Variants in MIR2052HG observed in about 807,000 individuals in gnomAD.
MIR2052HG encodes the protein MIR2052 host gene.
rs61228134 is a variant in MIR2052HG, at chr8:74,673,887, G to GTATATATATATATATATATATATATA, written n.217-28468_217-28467insTATATATATATATATATATATATATA. On this transcript the variant is annotated intron_variant and non_coding_transcript_variant, in intron 2 of 6. Transcript: ENST00000523442. Reference sequence around the variant, plus strand: ...GTCACAATCAACACAGTATTTTTTTGTATATATATATATATATATATATAC... The same window carrying GTATATATATATATATATATATATATA: ...GTCACAATCAACACAGTATTTTTTTGTATATATATATATATATATATATATATATATATATATATATATATATATAC... 3.2e-4 allele frequency among the ~76,000 whole-genome samples: 39 copies of GTATATATATATATATATATATATATA among 121,642 alleles called. 1 individual carries two copies. Among genetic ancestry groups the GTATATATATATATATATATATATATA allele is most frequent in the African/African-American group, 1.4e-3 (36 of 25,488 alleles). The allele number at this position is 121,642 out of a possible 152,430, so 79.8% of individuals were successfully genotyped here. A position where few individuals can be genotyped will look rare whatever the true frequency, so the allele number is the denominator to read the frequency against.
chr8:74,737,038 G>A (rs1282485745), intron 4 of MIR2052HG, among the ~76,000 whole-genome samples: 2 of 152,198 alleles, frequency 1.3e-5, no homozygotes, highest in Non-Finnish European at 2.9e-5. Flanking sequence ...TACTCCCTTT[G>A]CAAATCCCCC....
intron 4 of MIR2052HG, among the ~76,000 whole-genome samples, chr8:74,748,334 A>G (rs1160537843): frequency 2.0e-5 from 3 of 152,212 alleles, no homozygotes; most frequent in South Asian, 2.1e-4. Flanking sequence ...GTCCAGGAGT[A>G]CCAGCTCTGT....
intron 2 of MIR2052HG, among the ~76,000 whole-genome samples, chr8:74,657,633 C>T (rs961750660): frequency 1.3e-5 from 2 of 152,186 alleles, no homozygotes; most frequent in Non-Finnish European, 2.9e-5. Flanking sequence ...GGAGGCCTCA[C>T]AATCATTGCG....
At chr8:74,734,031 A>G (rs894440587) in intron 4 of MIR2052HG, among the ~76,000 whole-genome samples, 1 of 152,234 alleles carries the variant, frequency 6.6e-6, no homozygotes, top group Non-Finnish European at 1.5e-5. Flanking sequence ...AGAAACTACC[A>G]TCAGAGTGAA....
At chr8:74,605,932 CTG>C (rs1204764519) in intron 1 of MIR2052HG, among the ~76,000 whole-genome samples, 1 of 152,166 alleles carries the variant, frequency 6.6e-6, no homozygotes, top group Non-Finnish European at 1.5e-5. Context: ...AATTAAGAGT[CTG>C]TTGATTTAGC....
At chr8:74,682,641 A>G (rs1809138213) in intron 2 of MIR2052HG, among the ~76,000 whole-genome samples, 1 of 152,174 alleles carries the variant, frequency 6.6e-6, no homozygotes, top group South Asian at 2.1e-4. Context: ...CCAAAAACGA[A>G]GAAACTGGAG....
At chr8:74,673,818 A>G (rs1005037005) in intron 2 of MIR2052HG, among the ~76,000 whole-genome samples, 5 of 150,020 alleles carry the variant, frequency 3.3e-5, no homozygotes, top group Non-Finnish European at 7.4e-5. Context: ...ATGGATAACC[A>G]TTAGCCTAAC....
rs573239209 is a variant in MIR2052HG, at chr8:74,623,043, A to G, written n.216+10103A>G. ...GTCAAAGAACACAAATTTCAGTAAG[A>G]CAGGAAGAATAAGTTCAAGAGATCT... On this transcript the variant is annotated intron_variant and non_coding_transcript_variant, in intron 2 of 6. Transcript: ENST00000523442. Among the ~76,000 whole-genome samples, 10 of 152,306 alleles carry G rather than the reference A, an allele frequency of 6.6e-5. No individual in the cohort carries two copies. In the South Asian group the frequency reaches 2.1e-3, roughly 32 times the overall value.
intron 2 of MIR2052HG, among the ~76,000 whole-genome samples, chr8:74,651,292 A>G (rs570671468): frequency 1.3e-5 from 2 of 152,094 alleles, no homozygotes; most frequent in African/African-American, 2.4e-5. Context: ...AAAAACCTCT[A>G]TTCTCTTTAA....
At chr8:74,609,570 A>G (rs1808161847) in intron 1 of MIR2052HG, 1 of 151,822 alleles carries the variant, frequency 6.6e-6, no homozygotes, top group Non-Finnish European at 1.5e-5. Flanking sequence ...ATCAAAGTTA[A>G]CAACATATAA....
In MIR2052HG at chr8:74,701,324, A is replaced by C. The variant is rs537471523; in HGVS notation, n.217-1055A>C. The stretch of plus-strand genomic sequence containing the variant: ...TATTATTGAATAGATGGATATTAGA[A>C]CATTTTTTAAAATGTAGTAAGCATT... On this transcript the variant is annotated intron_variant and non_coding_transcript_variant, in intron 2 of 6. Transcript: ENST00000523442. Among the ~76,000 whole-genome samples the C allele has an allele frequency of 2.0e-5, 3 of 152,288 alleles. No individual in the cohort carries two copies. In the South Asian group the frequency reaches 6.2e-4, roughly 32 times the overall value.
At chr8:74,701,544 G>A (rs1809358322) in intron 2 of MIR2052HG, among the ~76,000 whole-genome samples, 1 of 151,986 alleles carries the variant, frequency 6.6e-6, no homozygotes, top group African/African-American at 2.4e-5. Flanking sequence ...TGGCACCAAT[G>A]GTGGCATCCT....
chr8:74,634,233 G>T (rs181062523), intron 2 of MIR2052HG, among the ~76,000 whole-genome samples: 2 of 152,280 alleles, frequency 1.3e-5, no homozygotes, highest in Admixed American at 1.3e-4. Flanking sequence ...TTCAGTTTAG[G>T]TTGGAGAAAG....
At chr8:74,664,398 C>T (rs1808899289) in intron 2 of MIR2052HG, among the ~76,000 whole-genome samples, 1 of 152,152 alleles carries the variant, frequency 6.6e-6, no homozygotes, top group Admixed American at 6.5e-5. Flanking sequence ...CAAAAACTGA[C>T]TCAAATATAT....
chr8:74,628,172 C>T (rs1226373726), intron 2 of MIR2052HG, among the ~76,000 whole-genome samples: 1 of 152,030 alleles, frequency 6.6e-6, no homozygotes, highest in Non-Finnish European at 1.5e-5. Context: ...AAAGATATGG[C>T]CTTGGGGATT....
chr8:74,653,159 C>A (rs1317955531), intron 2 of MIR2052HG, among the ~76,000 whole-genome samples: 1 of 152,128 alleles, frequency 6.6e-6, no homozygotes, highest in East Asian at 1.9e-4. Flanking sequence ...AAAGTTTCAC[C>A]AATATTTTAT....
intron 2 of MIR2052HG, among the ~76,000 whole-genome samples, chr8:74,636,573 T>C (rs1808583998): frequency 6.6e-6 from 1 of 152,178 alleles, no homozygotes; most frequent in Non-Finnish European, 1.5e-5. Flanking sequence ...CTTTATGATA[T>C]TCTCTGCCAA....
intron 2 of MIR2052HG, among the ~76,000 whole-genome samples, chr8:74,645,377 C>T (rs1197283261): frequency 3.3e-5 from 5 of 152,010 alleles, no homozygotes; most frequent in Non-Finnish European, 1.5e-5. Flanking sequence ...CCTCCGCCTC[C>T]CAGGTTCAAG....
chr8:74,695,385 T>C, intron 2 of MIR2052HG, among the ~76,000 whole-genome samples: 1 of 151,918 alleles, frequency 6.6e-6, no homozygotes, highest in East Asian at 1.9e-4. Flanking sequence ...ACAGGACCTA[T>C]AAAACAAAAA....
Sources: gnomAD v4.1 joint callset for allele counts (sites outside exome capture counted in the v4.1 genomes callset) on GRCh38, gnomAD v4.1.1 for gene constraint, MANE v1.5 for transcripts, NCBI Gene and HGNC (gene_info 2026-07-23, HGNC 2026-07-21) for gene names.